Variants in TOMM40L observed in about 807,000 individuals in gnomAD.
TOMM40L encodes the protein mitochondrial import receptor subunit TOM40B.
A neutral mutation model predicts 38.3 loss-of-function variants in TOMM40L; 17 were observed. That is an observed-to-expected ratio of 0.44 (90% CI 0.30 to 0.67). The LOEUF (loss-of-function observed/expected upper bound fraction) is 0.67. Ranked by LOEUF, TOMM40L falls within the 30% of genes least tolerant of loss-of-function variation. The pLI, the probability that TOMM40L is intolerant of heterozygous loss-of-function variation, is 0.08. For missense variants in TOMM40L, 294 were observed against 390.0 expected (o/e 0.75, Z 2.07); for synonymous variants, 151 against 150.2 (o/e 1.01, Z -0.04).
chr1:161,226,557 C>A lies in TOMM40L; in HGVS notation c.68C>A (p.Pro23His). 1 of 1,614,154 alleles carries A rather than the reference C, an allele frequency of 6.2e-7. No homozygotes were observed. Among genetic ancestry groups the A allele is most frequent in the Non-Finnish European group, 8.5e-7 (1 of 1,180,014 alleles). ...CGCCGGAGCCCCCGCCGAGAGGAAC[C>A]CCTGCCCAACCCTGGGAGCTTCGAT... ...LPRRSPRREE[P>H]LPNPGSFDEL... The change falls in exon 2 of 10, where the codon CCC (proline) becomes CAC (histidine). Residue 23 changes from proline to histidine, a missense_variant. Coordinates refer to ENST00000367988, the MANE Select transcript of TOMM40L (RefSeq NM_032174.6).
At chr1:161,228,021 TGGC>T (rs772271241) in intron 6 of TOMM40L, 32 bp downstream of exon 6, 1 of 1,610,700 alleles carries the variant, frequency 6.2e-7, no homozygotes, top group Admixed American at 1.7e-5. Context: ...CTTTTTATCT[TGGC>T]GGCCCATTTG....
chr1:161,228,536 A>C (rs751751970), intron 8 of TOMM40L, 32 bp downstream of exon 8: 1 of 1,612,234 alleles, frequency 6.2e-7, no homozygotes, highest in Admixed American at 1.7e-5. Flanking sequence ...CCTCCTTGTC[A>C]GCAAGTCAGT....
Position 161,229,198 on chromosome 1 carries a change from CT to C in TOMM40L, c.*104del, listed in dbSNP as rs1666606170. The C allele has an allele frequency of 6.5e-7, 1 of 1,541,476 alleles. No homozygotes were observed. Among genetic ancestry groups the C allele is most frequent in the Admixed American group, 1.8e-5 (1 of 57,074 alleles). On this transcript the variant is annotated 3_prime_UTR_variant, in exon 10 of 10. Transcript: ENST00000367988. ...CAGAGCCCACCTTGCTGGGTGATCT[CT>C]AGGACCCAGGAGCAGAGTGGTGGAC... is the stretch of plus-strand genomic sequence containing the variant.
At chr1:161,227,554 CT>C in intron 4 of TOMM40L, 81 bp from the exon 5 acceptor site, 1 of 1,265,786 alleles carries the variant, frequency 7.9e-7, no homozygotes, top group Non-Finnish European at 1.1e-6. Flanking sequence ...GCGCTGTGCA[CT>C]CTTAATGAAG....
At chr1:161,227,015 T>C (rs1002294447) in intron 3 of TOMM40L, 60 bp downstream of exon 3, 5 of 1,598,154 alleles carry the variant, frequency 3.1e-6, no homozygotes, top group East Asian at 2.2e-5. Flanking sequence ...TGGATCATCT[T>C]CTCCTTTCCT....
intron 1 of TOMM40L, 96 bp downstream of exon 1, chr1:161,226,232 G>C (rs1666334213): frequency 2.2e-6 from 1 of 451,316 alleles, no homozygotes; most frequent in Non-Finnish European, 4.0e-6. Context: ...GTGGGGGCTA[G>C]GATCAGAGAA....
In TOMM40L at chr1:161,229,455, C is replaced by T; in HGVS notation, c.*360C>T. The T allele has an allele frequency of 1.5e-6, 1 of 662,642 alleles. No homozygotes were observed. Among genetic ancestry groups the T allele is most frequent in the Non-Finnish European group, 2.5e-6 (1 of 394,028 alleles). 41.0% of individuals were successfully genotyped at this position (662,642 alleles called of 1,614,324 possible). ...ATCCTGCATGGGATTAGCTGACCAT[C>T]CTGTTTTCCATCCCAGAGCCTCCCA... On this transcript the variant is annotated 3_prime_UTR_variant, in exon 10 of 10. Coordinates refer to ENST00000367988, the MANE Select transcript of TOMM40L (RefSeq NM_032174.6).
intron 8 of TOMM40L, 96 bp from the exon 9 acceptor site, chr1:161,228,619 T>A (rs746738371): frequency 3.2e-6 from 5 of 1,556,524 alleles, no homozygotes; most frequent in Non-Finnish European, 3.5e-6. Context: ...TGTGTATATA[T>A]TTACATGCAT....
At position 161,230,682 on chromosome 1, in the gene TOMM40L, A is replaced by G; in HGVS notation, c.*1587A>G. 6.0e-6 allele frequency: 7 copies of G among 1,173,268 alleles called. No homozygotes were observed. The highest frequency in any genetic ancestry group is 2.2e-5 in the Admixed American group (1 of 46,222). The allele number at this position is 1,173,268 out of a possible 1,614,324, so 72.7% of individuals were successfully genotyped here. On this transcript the variant is annotated 3_prime_UTR_variant, in exon 10 of 10. Coordinates refer to ENST00000367988, the MANE Select transcript of TOMM40L (RefSeq NM_032174.6). ...ATGTGAGACAGGGATGGCCAGGGGG[A>G]AGGACTAGACCCCACGATACCTGAA...
At chr1:161,226,993 C>G in intron 3 of TOMM40L, 38 bp downstream of exon 3, 1 of 1,610,546 alleles carries the variant, frequency 6.2e-7, no homozygotes, top group Non-Finnish European at 8.5e-7. Flanking sequence ...ACTATTCCCC[C>G]TTTCCTGTCC....
intron 8 of TOMM40L, 87 bp downstream of exon 8, chr1:161,228,591 T>C (rs1474652188): frequency 6.4e-7 from 1 of 1,570,238 alleles, no homozygotes; most frequent in Non-Finnish European, 8.7e-7. Context: ...TGCTGACCTA[T>C]TTTTCTTCCT....
chr1:161,228,691 C>G, intron 8 of TOMM40L, 24 bp from the exon 9 acceptor site: 1 of 1,613,408 alleles, frequency 6.2e-7, no homozygotes, highest in Non-Finnish European at 8.5e-7. Flanking sequence ...TGATCTCTCT[C>G]TCATCCTTGC....
At chr1:161,227,053 T>G in intron 3 of TOMM40L, 98 bp downstream of exon 3, 1 of 1,463,520 alleles carries the variant, frequency 6.8e-7, no homozygotes, top group South Asian at 1.2e-5. Context: ...CCAGTCTATG[T>G]GGGACAAATG....
chr1:161,227,515 A>T, intron 4 of TOMM40L, 121 bp from the exon 5 acceptor site: 1 of 1,043,850 alleles, frequency 9.6e-7, no homozygotes, highest in Non-Finnish European at 1.4e-6. Flanking sequence ...TGAAGAGCCC[A>T]GAGTGTGTCT....
rs372985939 is a variant in TOMM40L, at chr1:161,227,363, C to A, written c.276+13C>A. 1.1e-5 allele frequency: 18 copies of A among 1,613,034 alleles called. No individual in the cohort carries two copies. The highest frequency in any genetic ancestry group is 1.5e-5 in the Non-Finnish European group (18 of 1,179,354). On this transcript the variant is annotated intron_variant, in intron 4 of 9. Transcript: ENST00000367988. ...CAGTCCCACTGAGGTGAGGGCTCCA[C>A]ACACCTGGGTCATCTCCCTAAAAAC...
At chr1:161,228,338 G>C (rs1666525400) in intron 7 of TOMM40L, 30 bp downstream of exon 7, 1 of 1,608,770 alleles carries the variant, frequency 6.2e-7, no homozygotes, top group Non-Finnish European at 8.5e-7. Flanking sequence ...AGTGGTGGTG[G>C]TGGGGGGCAA....
intron 6 of TOMM40L, 77 bp downstream of exon 6, chr1:161,228,066 C>T: frequency 6.3e-7 from 1 of 1,595,332 alleles, no homozygotes; most frequent in Non-Finnish European, 8.6e-7. Flanking sequence ...ATCTTCTGTA[C>T]AGTTTGGAGT....
Position 161,229,953 on chromosome 1 carries a change from G to T in TOMM40L, c.*858G>T. 1 of 1,613,656 alleles carries T rather than the reference G, an allele frequency of 6.2e-7. No homozygotes were observed. Among genetic ancestry groups the T allele is most frequent in the South Asian group, 1.1e-5 (1 of 90,996 alleles). Reference sequence around the variant, plus strand: ...TTTGGAGGAAGTAGTGGGGTTGCCAGGAAAACAGGAGGGAAATAAGGCAGT... The same window carrying T: ...TTTGGAGGAAGTAGTGGGGTTGCCATGAAAACAGGAGGGAAATAAGGCAGT... On this transcript the variant is annotated 3_prime_UTR_variant, in exon 10 of 10. Coordinates refer to ENST00000367988, the MANE Select transcript of TOMM40L (RefSeq NM_032174.6).
chr1:161,227,599 C>A (rs1666429762), intron 4 of TOMM40L, 37 bp from the exon 5 acceptor site: 1 of 1,567,856 alleles, frequency 6.4e-7, no homozygotes, highest in Admixed American at 1.7e-5. Context: ...GTGGTGCCAT[C>A]CGGCTCAGCC....
Sources: allele counts gnomAD v4.1 joint callset, GRCh38; gene constraint gnomAD v4.1.1; transcripts MANE v1.5; gene names NCBI Gene and HGNC (gene_info 2026-07-23, HGNC 2026-07-21).